The following ZFAND6 variants were observed in gnomAD, a reference collection of about 807,000 sequenced individuals.
ZFAND6 encodes the protein AN1-type zinc finger protein 6.
ZFAND6 carries 12 observed loss-of-function variants against 24.5 expected under a neutral mutation model. That is an observed-to-expected ratio of 0.49 (90% CI 0.31 to 0.79). The LOEUF (loss-of-function observed/expected upper bound fraction) is 0.79, where lower values mean the gene tolerates loss of function less well. Ranked by LOEUF, ZFAND6 falls within the 30% of genes least tolerant of loss-of-function variation. The pLI, the probability that ZFAND6 is intolerant of heterozygous loss-of-function variation, is 0.04. For missense variants in ZFAND6, 207 were observed against 245.9 expected, an observed-to-expected ratio of 0.84 and a Z score of 1.06; for synonymous variants, 92 against 81.5, an observed-to-expected ratio of 1.13 and a Z score of -0.69.
At chr15:80,076,235 C>T (rs2037267052) in intron 1 of ZFAND6, among the ~76,000 whole-genome samples, 1 of 152,058 alleles carries the variant, frequency 6.6e-6, no homozygotes, top group African/African-American at 2.4e-5. Context: ...ACCTGAGACC[C>T]ATATTTATCC....
chr15:80,105,372 A>G (rs763296443), intron 2 of ZFAND6, among the ~76,000 whole-genome samples: 1 of 152,152 alleles, frequency 6.6e-6, no homozygotes, highest in Non-Finnish European at 1.5e-5. Context: ...GGCAAGGAGA[A>G]CTTTTATGAA....
chr15:80,117,380 G>C (rs2039927342), intron 2 of ZFAND6, among the ~76,000 whole-genome samples: 1 of 152,122 alleles, frequency 6.6e-6, no homozygotes, highest in South Asian at 2.1e-4. Context: ...CTGCCGCTAT[G>C]CCTGGCTGAT....
At chr15:80,097,203 T>C (rs1038023087) in intron 1 of ZFAND6, among the ~76,000 whole-genome samples, 5 of 152,012 alleles carry the variant, frequency 3.3e-5, no homozygotes, top group African/African-American at 1.2e-4. Context: ...TTTCACCATG[T>C]TGGCCAGGCT....
chr15:80,119,585 T>TA (rs139385200), intron 2 of ZFAND6, among the ~76,000 whole-genome samples: 91,391 of 151,298 alleles, frequency 0.6, 28,480 homozygotes, highest in Admixed American at 0.7. Context: ...CATGCTTTTT[T>TA]AAAAAAAAAC....
intron 2 of ZFAND6, among the ~76,000 whole-genome samples, chr15:80,110,958 G>T (rs896968075): frequency 6.6e-6 from 1 of 152,116 alleles, no homozygotes. Flanking sequence ...GCCTACCCAA[G>T]CAAATGAAAT....
chr15:80,128,101 G>C (rs2040447851), intron 5 of ZFAND6, among the ~76,000 whole-genome samples: 4 of 152,178 alleles, frequency 2.6e-5, no homozygotes, highest in African/African-American at 9.7e-5. Flanking sequence ...CATGTTGTAT[G>C]ATTTTATTTA....
intron 2 of ZFAND6, among the ~76,000 whole-genome samples, chr15:80,113,586 A>G (rs144285577): frequency 5.3e-5 from 8 of 152,288 alleles, no homozygotes; most frequent in Non-Finnish European, 1.0e-4. Context: ...GTTTCATTTT[A>G]TAAATTATGA....
Position 80,095,310 on chromosome 15 carries a change from T to TA in ZFAND6, c.-180-3105dup, listed in dbSNP as rs1452458378. ...AGGAATGTGGTTTTGGCAGGAATGTTACACTTGTGTGCTTTTCAGTGCATC... is the reference window on the plus strand; with the variant it reads ...AGGAATGTGGTTTTGGCAGGAATGTTAACACTTGTGTGCTTTTCAGTGCATC... On this transcript the variant is annotated intron_variant, in intron 1 of 6. Transcript: ENST00000261749. Among the ~76,000 whole-genome samples the TA allele has an allele frequency of 1.2e-4, 19 of 152,364 alleles. No individual in the cohort carries two copies. In the East Asian group the frequency reaches 2.1e-3, roughly 17 times the overall value.
intron 1 of ZFAND6, among the ~76,000 whole-genome samples, chr15:80,096,594 A>C (rs2141923090): frequency 6.6e-6 from 1 of 152,378 alleles, no homozygotes; most frequent in South Asian, 2.1e-4. Context: ...TTTCAGCATT[A>C]ATTAATAGTT....
chr15:80,078,482 A>G (rs182492464), intron 1 of ZFAND6, among the ~76,000 whole-genome samples: 46 of 152,310 alleles, frequency 3.0e-4, no homozygotes, highest in Admixed American at 2.4e-3. Flanking sequence ...GGTTAATTCT[A>G]TGTCTTTGCT....
intron 2 of ZFAND6, among the ~76,000 whole-genome samples, chr15:80,120,048 G>A (rs1243496923): frequency 6.6e-6 from 1 of 152,170 alleles, no homozygotes; most frequent in African/African-American, 2.4e-5. Flanking sequence ...CCTTCTGGGG[G>A]TAGAGTCTTC....
chr15:80,084,229 A>C (rs1477750177), intron 1 of ZFAND6, among the ~76,000 whole-genome samples: 1 of 152,188 alleles, frequency 6.6e-6, no homozygotes, highest in Non-Finnish European at 1.5e-5. Context: ...AGATTTACGA[A>C]GTGTAGGTCG....
intron 1 of ZFAND6, among the ~76,000 whole-genome samples, chr15:80,067,920 G>A (rs2036741553): frequency 6.6e-6 from 1 of 152,008 alleles, no homozygotes; most frequent in African/African-American, 2.4e-5. Flanking sequence ...TACATGTATT[G>A]TGTTAAAATA....
At chr15:80,122,230 T>A (rs770802053) in intron 4 of ZFAND6, among the ~76,000 whole-genome samples, 62 of 152,138 alleles carry the variant, frequency 4.1e-4, no homozygotes, top group Non-Finnish European at 6.0e-4. Context: ...ATATATATAT[T>A]TTTTAACTCT....
At chr15:80,105,963 G>T (rs1038051191) in intron 2 of ZFAND6, among the ~76,000 whole-genome samples, 3 of 152,254 alleles carry the variant, frequency 2.0e-5, no homozygotes, top group African/African-American at 7.2e-5. Flanking sequence ...TGGTTTTGTG[G>T]CTAATAAAGT....
chr15:80,076,866 C>T (rs1375863806), intron 1 of ZFAND6, among the ~76,000 whole-genome samples: 1 of 151,768 alleles, frequency 6.6e-6, no homozygotes, highest in Non-Finnish European at 1.5e-5. Flanking sequence ...ATAGTGAAAA[C>T]TTGCTGCCTG....
chr15:80,112,957 C>T, intron 2 of ZFAND6: 1 of 434,178 alleles, frequency 2.3e-6, no homozygotes, highest in Admixed American at 2.5e-5. Context: ...AAAGAGAATT[C>T]ACCCATTCTG....
chr15:80,113,340 T>G (rs988161246), intron 2 of ZFAND6, among the ~76,000 whole-genome samples: 18 of 152,188 alleles, frequency 1.2e-4, no homozygotes, highest in African/African-American at 4.1e-4. Flanking sequence ...CATTCCCCAA[T>G]TTTTGAATGC....
At chr15:80,115,055 C>T (rs573429345) in intron 2 of ZFAND6, 4 of 152,084 alleles carry the variant, frequency 2.6e-5, no homozygotes, top group Middle Eastern at 3.4e-3. Context: ...AGCTGCTTAC[C>T]AGAAGGGGAA....
Sources: gnomAD v4.1 joint callset for allele counts (sites outside exome capture counted in the v4.1 genomes callset) on GRCh38, gnomAD v4.1.1 for gene constraint, MANE v1.5 for transcripts, NCBI Gene and HGNC (gene_info 2026-07-23, HGNC 2026-07-21) for gene names.